Variants in NLGN1 observed in about 807,000 individuals in gnomAD.
NLGN1 encodes neuroligin 1, also known as neuroligin-1.
A neutral mutation model predicts 65.5 loss-of-function variants in NLGN1; 12 were observed. The ratio of observed to expected loss-of-function variants is 0.18; its 90% CI spans 0.12 to 0.30. The LOEUF is 0.30. NLGN1 is among the 10% of genes least tolerant of loss of function. The pLI, the probability that NLGN1 is intolerant of heterozygous loss-of-function variation, is 1.00. For missense variants in NLGN1, 750 were observed against 1,007.1 expected (o/e 0.74, Z 3.46); for synonymous variants, 350 against 359.5 (o/e 0.97, Z 0.30).
chr3:173,466,218 A>C (rs1046931909), intron 2 of NLGN1, among the ~76,000 whole-genome samples: 3 of 152,298 alleles, frequency 2.0e-5, no homozygotes, highest in Middle Eastern at 3.4e-3. Context: ...ATCAAAACCA[A>C]GATATCTAAG....
intron 3 of NLGN1, among the ~76,000 whole-genome samples, chr3:173,685,348 G>T (rs936965827): frequency 2.0e-5 from 3 of 152,142 alleles, no homozygotes; most frequent in African/African-American, 7.2e-5. Context: ...CAGGTTTTAT[G>T]AGCTATGAGG....
Position 174,151,032 on chromosome 3 carries a change from TC to T in NLGN1, c.647-124278del, listed in dbSNP as rs200033543. 3.5e-3 allele frequency among the ~76,000 whole-genome samples: 504 copies of T among 144,980 alleles called. 2 individuals are homozygous for T. Among genetic ancestry groups the T allele is most frequent in the Non-Finnish European group, 6.2e-3 (408 of 66,284 alleles). ...TTATCTGGTTCATAGACTTTTTTTT[TC>T]CCCCAAGTCTGAAACATCTCTACAG... On this transcript the variant is annotated intron_variant, in intron 4 of 6. Transcript: ENST00000457714.
chr3:174,261,888 C>T (rs1216392818), intron 4 of NLGN1, among the ~76,000 whole-genome samples: 5 of 147,380 alleles, frequency 3.4e-5, no homozygotes, highest in African/African-American at 2.6e-5. Flanking sequence ...GAGTTTTTAG[C>T]GTGAAGCGTT....
intron 2 of NLGN1, among the ~76,000 whole-genome samples, chr3:173,544,501 A>G (rs1421035629): frequency 7.2e-5 from 11 of 152,168 alleles, no homozygotes; most frequent in Non-Finnish European, 2.9e-5. Context: ...TTGGGCAACT[A>G]TGTAGCCGTA....
chr3:173,826,316 T>C (rs1278608009), intron 4 of NLGN1, among the ~76,000 whole-genome samples: 3 of 151,918 alleles, frequency 2.0e-5, no homozygotes, highest in Non-Finnish European at 2.9e-5. Context: ...TTTCCTGAGG[T>C]AGAGAAAGAG....
intron 4 of NLGN1, among the ~76,000 whole-genome samples, chr3:174,120,930 C>A (rs892935581): frequency 6.6e-6 from 1 of 152,160 alleles, no homozygotes; most frequent in East Asian, 1.9e-4. Context: ...TATAAGGAGG[C>A]CCAGCACTGT....
At chr3:173,490,498 C>T (rs1728931543) in intron 2 of NLGN1, among the ~76,000 whole-genome samples, 1 of 152,042 alleles carries the variant, frequency 6.6e-6, no homozygotes. Context: ...TTACTGTAGC[C>T]TTGTAGTATA....
intron 4 of NLGN1, among the ~76,000 whole-genome samples, chr3:173,962,025 A>C (rs889537969): frequency 1.3e-5 from 2 of 152,108 alleles, no homozygotes; most frequent in African/African-American, 4.8e-5. Context: ...AAAAAACAAT[A>C]AGCCAAGTTT....
At chr3:173,536,540 A>T (rs1052951326) in intron 2 of NLGN1, among the ~76,000 whole-genome samples, 13 of 152,210 alleles carry the variant, frequency 8.5e-5, no homozygotes, top group African/African-American at 3.1e-4. Context: ...TTAACATGCC[A>T]ACATGGCCTC....
intron 2 of NLGN1, among the ~76,000 whole-genome samples, chr3:173,539,181 T>G (rs1416690658): frequency 6.6e-6 from 1 of 151,962 alleles, no homozygotes; most frequent in Non-Finnish European, 1.5e-5. Context: ...CTGCTTATTG[T>G]GCAGACCATC....
chr3:173,520,987 G>T (rs1198675761), intron 2 of NLGN1, among the ~76,000 whole-genome samples: 1 of 152,182 alleles, frequency 6.6e-6, no homozygotes, highest in Non-Finnish European at 1.5e-5. Context: ...AGGCTGGATA[G>T]TGTTCAGTGT....
chr3:173,536,489 T>A (rs903815934), intron 2 of NLGN1, among the ~76,000 whole-genome samples: 1 of 152,234 alleles, frequency 6.6e-6, no homozygotes, highest in Non-Finnish European at 1.5e-5. Flanking sequence ...TTCTCAGTTG[T>A]GTTTAAGGAC....
At chr3:173,931,509 GAA>G (rs1270914401) in intron 4 of NLGN1, among the ~76,000 whole-genome samples, 2 of 152,118 alleles carry the variant, frequency 1.3e-5, no homozygotes, top group African/African-American at 4.8e-5. Flanking sequence ...GGCTATCTAG[GAA>G]AGAGCATTCC....
chr3:174,260,782 T>C (rs1232286172), intron 4 of NLGN1, among the ~76,000 whole-genome samples: 2 of 150,968 alleles, frequency 1.3e-5, no homozygotes, highest in African/African-American at 2.4e-5. Context: ...TGAATGGTAA[T>C]GCCTAGGTTT....
chr3:173,924,063 A>T (rs1483037241), intron 4 of NLGN1, among the ~76,000 whole-genome samples: 1 of 152,306 alleles, frequency 6.6e-6, no homozygotes, highest in East Asian at 1.9e-4. Context: ...AGCCATGACT[A>T]CAAAAACTGA....
At chr3:173,444,441 A>G (rs1719793504) in intron 2 of NLGN1, among the ~76,000 whole-genome samples, 1 of 152,126 alleles carries the variant, frequency 6.6e-6, no homozygotes, top group Admixed American at 6.5e-5. Flanking sequence ...CATTTATTTC[A>G]CCTTCTGCCA....
At chr3:173,985,778 C>T (rs1201963096) in intron 4 of NLGN1, among the ~76,000 whole-genome samples, 9 of 151,902 alleles carry the variant, frequency 5.9e-5, no homozygotes, top group Admixed American at 3.3e-4. Context: ...GGCAAAACCC[C>T]GCCTCTACTA....
chr3:173,750,196 C>T (rs1776126941), intron 3 of NLGN1, among the ~76,000 whole-genome samples: 1 of 152,056 alleles, frequency 6.6e-6, no homozygotes, highest in Non-Finnish European at 1.5e-5. Flanking sequence ...CAGATCTACC[C>T]TCTCCTATCC....
At chr3:173,718,903 A>C (rs535509313) in intron 3 of NLGN1, among the ~76,000 whole-genome samples, 15 of 152,278 alleles carry the variant, frequency 9.9e-5, no homozygotes, top group African/African-American at 3.4e-4. Context: ...AATGTGAAAA[A>C]TTTTCTTGAA....
Sources: gnomAD v4.1 joint callset for allele counts (sites outside exome capture counted in the v4.1 genomes callset) on GRCh38, gnomAD v4.1.1 for gene constraint, MANE v1.5 for transcripts, NCBI Gene and HGNC (gene_info 2026-07-23, HGNC 2026-07-21) for gene names.